Variants in DMD observed in about 807,000 individuals in gnomAD.
The protein encoded by DMD is dystrophin, also known as mutant dystrophin.
DMD carries 63 observed loss-of-function variants against 330.1 expected under a neutral mutation model. The observed-to-expected ratio is 0.19, with a 90% CI of 0.16 to 0.24. DMD has a LOEUF of 0.24. DMD is among the 10% of genes least tolerant of loss of function. The probability of loss-of-function intolerance (pLI) is 1.00; values close to 1 mark genes in which losing one functional copy is unlikely to be tolerated. For synonymous variants in DMD, 1,223 were observed against 959.8 expected (o/e 1.27, Z -5.07); for missense variants, 3,344 against 2,684.1 (o/e 1.25, Z -5.43).
chrX:31,761,547 A>G (rs17283302), intron 51 of DMD, among the ~76,000 whole-genome samples: 1,544 of 112,194 alleles, frequency 0.014, 57 homozygotes, highest in Admixed American at 0.1. Flanking sequence ...TGCTCAGTGT[A>G]TACTTTCTCT....
intron 1 of DMD, among the ~76,000 whole-genome samples, chrX:33,138,736 C>T (rs1470207812): frequency 9.0e-6 from 1 of 110,547 alleles, no homozygotes; most frequent in Non-Finnish European, 1.9e-5. Flanking sequence ...CTTGTGAGTA[C>T]TTTTTTCTCC....
chrX:32,729,986 G>T (rs1446141278), intron 7 of DMD, among the ~76,000 whole-genome samples: 1 of 111,645 alleles, frequency 9.0e-6, no homozygotes, highest in Non-Finnish European at 1.9e-5. Flanking sequence ...TTATAGCTGA[G>T]TTAGTCATGT....
intron 47 of DMD, among the ~76,000 whole-genome samples, chrX:31,905,835 T>C (rs1193608790): frequency 8.9e-6 from 1 of 112,444 alleles, no homozygotes; most frequent in African/African-American, 3.2e-5. Context: ...TGACGAATAA[T>C]AGTTCTATTC....
intron 9 of DMD, among the ~76,000 whole-genome samples, chrX:32,656,760 A>G (rs1368746531): frequency 8.9e-6 from 1 of 111,858 alleles, no homozygotes; most frequent in African/African-American, 3.3e-5. Flanking sequence ...GCCTAACAGC[A>G]CAGTACACAG....
intron 9 of DMD, among the ~76,000 whole-genome samples, chrX:32,680,214 A>C (rs776136606): frequency 1.8e-5 from 2 of 110,384 alleles, no homozygotes; most frequent in African/African-American, 6.6e-5. Flanking sequence ...GCCTGGCCTA[A>C]ATTTTTGTAC....
At chrX:32,672,821 C>T (rs5972645) in intron 9 of DMD, among the ~76,000 whole-genome samples, 12,958 of 110,125 alleles carry the variant, frequency 0.12, 1,254 homozygotes, top group African/African-American at 0.33. Context: ...GCATAGATAA[C>T]GGAAGAGTGA....
chrX:31,821,433 T>A (rs948902163), intron 49 of DMD, among the ~76,000 whole-genome samples: 1 of 112,526 alleles, frequency 8.9e-6, no homozygotes, highest in South Asian at 3.6e-4. Context: ...TGTACCATTC[T>A]TGAGAACATA....
chrX:33,153,158 C>A (rs2048355393), intron 1 of DMD, among the ~76,000 whole-genome samples: 1 of 112,919 alleles, frequency 8.9e-6, no homozygotes, highest in South Asian at 3.6e-4. Flanking sequence ...CGCCTGTAAT[C>A]CCAGAACTTT....
chrX:32,612,525 G>A (rs2057255109), intron 12 of DMD, among the ~76,000 whole-genome samples: 1 of 111,390 alleles, frequency 9.0e-6, no homozygotes, highest in African/African-American at 3.3e-5. Flanking sequence ...TTCTTCCAAT[G>A]TCGCCCAGGG....
At chrX:32,389,722 C>A (rs752282705) in intron 31 of DMD, 48 bp from the exon 32 acceptor site, 2 of 1,096,378 alleles carry the variant, frequency 1.8e-6, no homozygotes, top group South Asian at 1.8e-5. Flanking sequence ...GCCTTTCAAA[C>A]AATAACTGGT....
intron 60 of DMD, among the ~76,000 whole-genome samples, chrX:31,432,223 A>G (rs2064143139): frequency 8.9e-6 from 1 of 112,242 alleles, no homozygotes; most frequent in African/African-American, 3.2e-5. Context: ...ATGTCTAGAA[A>G]GAAATTTGGT....
chrX:32,237,979 A>G (rs900431339), intron 43 of DMD, among the ~76,000 whole-genome samples: 8 of 112,151 alleles, frequency 7.1e-5, no homozygotes, highest in African/African-American at 2.6e-4. Flanking sequence ...TCCAATCACA[A>G]CTAAACATTC....
Position 31,929,668 on chromosome X carries a change from A to C in DMD, c.6840T>G (p.Ser2280Arg), listed in dbSNP as rs758935768. ...CTTGCTCTTCTGGGCTTATGGGAGC[A>C]CTTACAAGCACGGGTCCTCCAGTTT... Reference protein sequence around the residue: ...LNETGGPVLVSAPISPEEQDK... With the variant: ...LNETGGPVLVRAPISPEEQDK... The change falls in exon 47 of 79, where the codon AGT (serine) becomes AGG (arginine). Residue 2280 changes from serine (S) to arginine (R), a missense_variant. By Grantham distance (110) the Ser-to-Arg change is moderately radical (BLOSUM62 -1). Coordinates refer to ENST00000357033, the MANE Select transcript of DMD (RefSeq NM_004006.3). 12 of 1,209,201 alleles carry C rather than the reference A, an allele frequency of 9.9e-6. No homozygotes were observed.
At chrX:31,220,961 G>A (rs184295609) in intron 64 of DMD, among the ~76,000 whole-genome samples, 2 of 98,979 alleles carry the variant, frequency 2.0e-5, no homozygotes, top group Non-Finnish European at 4.0e-5. Flanking sequence ...ATTTTATGTG[G>A]GGTCCAAGAC....
At chrX:32,232,975 G>C (rs918529885) in intron 43 of DMD, among the ~76,000 whole-genome samples, 3 of 112,280 alleles carry the variant, frequency 2.7e-5, no homozygotes, top group Non-Finnish European at 5.6e-5. Context: ...CACTAGAAAT[G>C]CTTCCTAAAC....
intron 9 of DMD, among the ~76,000 whole-genome samples, chrX:32,684,786 G>A (rs1246085257): frequency 9.0e-6 from 1 of 110,782 alleles, no homozygotes; most frequent in Non-Finnish European, 1.9e-5. Flanking sequence ...TGTTCTTTAT[G>A]AATTTTCCTA....
chrX:32,836,557 T>C (rs184908368), intron 4 of DMD, among the ~76,000 whole-genome samples: 1 of 111,578 alleles, frequency 9.0e-6, no homozygotes, highest in Non-Finnish European at 1.9e-5. Flanking sequence ...CTTTAGTTCC[T>C]GCTTTCCTTA....
At chrX:33,141,392 C>T (rs1301613528) in intron 1 of DMD, among the ~76,000 whole-genome samples, 1 of 111,104 alleles carries the variant, frequency 9.0e-6, no homozygotes, top group African/African-American at 3.3e-5. Flanking sequence ...TCAGTGTGAC[C>T]TCGCTACTGG....
chrX:31,337,019 G>T (rs2057441912), intron 61 of DMD, among the ~76,000 whole-genome samples: 1 of 107,775 alleles, frequency 9.3e-6, no homozygotes, highest in Non-Finnish European at 1.9e-5. Context: ...CGTCTCCTGG[G>T]TTCAAGCGAT....
Sources: allele counts gnomAD v4.1 joint callset (sites outside exome capture counted in the v4.1 genomes callset), GRCh38; gene constraint gnomAD v4.1.1; transcripts MANE v1.5; gene names NCBI Gene and HGNC (gene_info 2026-07-23, HGNC 2026-07-21).